PIEZO1: variants seen among roughly 807,000 people sequenced by gnomAD.
The protein encoded by PIEZO1 is piezo type mechanosensitive ion channel component 1 (Er blood group).
In PIEZO1, 296 loss-of-function variants were observed where a neutral mutation model predicts 297.2. The ratio of observed to expected loss-of-function variants is 1.00; its 90% CI spans 0.91 to 1.10. The LOEUF (loss-of-function observed/expected upper bound fraction) is 1.10. PIEZO1 is among the 50% of genes least tolerant of loss of function. The pLI is 0.00. For missense variants in PIEZO1, 5,018 were observed against 3,455.5 expected (o/e 1.45, Z -11.34); for synonymous variants, 2,427 against 1,507.5 (o/e 1.61, Z -14.13).
rs937449487 is a variant in PIEZO1 at position 88,770,349 on chromosome 16, C to A, written c.64+14552G>T. Among the ~76,000 whole-genome samples the A allele has an allele frequency of 8.1e-4, 124 of 152,326 alleles. 2 individuals carry two copies. The highest frequency in any genetic ancestry group is 2.8e-3 in the African/African-American group (118 of 41,570). On this transcript the variant is annotated intron_variant, in intron 1 of 50. Coordinates refer to ENST00000301015, the MANE Select transcript of PIEZO1 (RefSeq NM_001142864.4). ...CCCCAGCCGGGCCCCGCCTGCATCA[C>A]TTTCTGGCTATGGACTTGGGAGCTG...
At position 88,732,321 on chromosome 16, in the gene PIEZO1, T is replaced by C. The variant is rs1300330119; in HGVS notation, c.2991+14A>G. ...CAAGCCCTGCCCCAGGGGGAGGCAA[T>C]GTCCTTGCCTCACCTCCAGCCCGAA... On this transcript the variant is annotated intron_variant, in intron 21 of 50. Transcript: ENST00000301015. The C allele has an allele frequency of 1.3e-6, 2 of 1,541,442 alleles. No homozygotes were observed. Among genetic ancestry groups the C allele is most frequent in the Non-Finnish European group, 8.8e-7 (1 of 1,139,348 alleles).
chr16:88,719,972 T>C lies in PIEZO1; in HGVS notation c.6165-12A>G. The C allele has an allele frequency of 6.5e-7, 1 of 1,550,056 alleles. No homozygotes were observed. Among genetic ancestry groups the C allele is most frequent in the South Asian group, 1.2e-5 (1 of 84,062 alleles). ...TCTGGTTGAACATCCTGGGGCGGGA[T>C]GGCCAGGTCAAGGACCCCATCAGAA... On this transcript the variant is annotated splice_polypyrimidine_tract_variant and intron_variant, in intron 42 of 50. Coordinates refer to ENST00000301015, the MANE Select transcript of PIEZO1 (RefSeq NM_001142864.4).
intron 1 of PIEZO1, among the ~76,000 whole-genome samples, chr16:88,779,770 G>A (rs1030947920): frequency 3.9e-5 from 6 of 152,342 alleles, no homozygotes; most frequent in African/African-American, 9.6e-5. Context: ...GGGACCAGGC[G>A]GTGAGTGGCC....
intron 1 of PIEZO1, among the ~76,000 whole-genome samples, chr16:88,779,153 T>G (rs1398486231): frequency 6.6e-6 from 1 of 151,628 alleles, no homozygotes; most frequent in Non-Finnish European, 1.5e-5. Flanking sequence ...GCGATTCTCC[T>G]GTCTCAGCCT....
rs1183227041 is a variant in PIEZO1, at chr16:88,737,650, T to C, written c.1108-4A>G. ...CGGGTGCTGTGGGCACCACGTGCTG[T>C]GGGCAAGCAGCGCTGAGCCATGCAC... On this transcript the variant is annotated splice_polypyrimidine_tract_variant and splice_region_variant and intron_variant, in intron 9 of 50. Coordinates refer to ENST00000301015, the MANE Select transcript of PIEZO1 (RefSeq NM_001142864.4). The C allele has an allele frequency of 3.3e-6, 5 of 1,534,416 alleles. No homozygotes were observed. Among genetic ancestry groups the C allele is most frequent in the Middle Eastern group, 3.5e-4 (2 of 5,708 alleles).
Position 88,722,023 on chromosome 16 carries a change from C to G in PIEZO1, c.4999G>C (p.Glu1667Gln). The G allele has an allele frequency of 6.5e-7, 1 of 1,548,362 alleles. No individual in the cohort carries two copies. Among genetic ancestry groups the G allele is most frequent in the Non-Finnish European group, 8.7e-7 (1 of 1,146,604 alleles). ...PELEEAELFAEGQGRALRLLR... is the reference protein window; with the variant it reads ...PELEEAELFAQGQGRALRLLR... The stretch of plus-strand genomic sequence containing the variant: ...AGCCGCAGCGCCCGGCCCTGCCCCT[C>G]CGCAAACAGCTCTGCCTCCTCCAGC... The change falls in exon 37 of 51, where the codon GAG (glutamate) becomes CAG (glutamine). Residue 1667 changes from glutamate (E) to glutamine (Q), a missense_variant. Glu to Gln is a conservative substitution (Grantham distance 29). Transcript: ENST00000301015.
At chr16:88,724,035 C>A in intron 30 of PIEZO1, 64 bp from the exon 31 acceptor site, 1 of 1,014,060 alleles carries the variant, frequency 9.9e-7, no homozygotes, top group Non-Finnish European at 1.5e-6. Flanking sequence ...AGACCCCCTC[C>A]GCCTGCATGG....
chr16:88,759,566 G>C (rs755246966), intron 1 of PIEZO1, among the ~76,000 whole-genome samples: 12 of 152,328 alleles, frequency 7.9e-5, no homozygotes, highest in African/African-American at 1.9e-4. Flanking sequence ...AAGAAGAGCA[G>C]ACGTGGTACA....
rs554093832 is a variant in PIEZO1, at chr16:88,744,654, C to A, written c.161-2232G>T. ...TGCTTCCCCATTGTCTTCCTCCCTC[C>A]CCTTTCCCTGCCTCCTTCCCGGTTC... On this transcript the variant is annotated intron_variant, in intron 2 of 50. Transcript: ENST00000301015. Among the ~76,000 whole-genome samples the A allele has an allele frequency of 1.5e-4, 22 of 151,430 alleles. No individual in the cohort carries two copies. The East Asian group carries it at 4.3e-3, about 29-fold the overall frequency.
At position 88,720,600 on chromosome 16, in the gene PIEZO1, GGCC is replaced by G. The variant is rs769242557; in HGVS notation, c.5801+13_5801+15del. The stretch of plus-strand genomic sequence containing the variant: ...CCACCCCCACTCCCCAGCTGCCCCC[GGCC>G]GCCATCACTCACAGGGACAGGCAGA... On this transcript the variant is annotated intron_variant, in intron 40 of 50. Coordinates refer to ENST00000301015, the MANE Select transcript of PIEZO1 (RefSeq NM_001142864.4). 100 of 872,894 alleles carry G rather than the reference GGCC, an allele frequency of 1.1e-4. No individual in the cohort carries two copies. Among genetic ancestry groups the G allele is most frequent in the Non-Finnish European group, 1.6e-4 (96 of 618,088 alleles). The allele number at this position is 872,894 out of a possible 1,614,324, so 54.1% of individuals were successfully genotyped here.
At chr16:88,779,683 G>C (rs866020459) in intron 1 of PIEZO1, among the ~76,000 whole-genome samples, 2 of 152,338 alleles carry the variant, frequency 1.3e-5, no homozygotes, top group African/African-American at 4.8e-5. Context: ...CGCGCTGTGT[G>C]TGCAGCATGA....
intron 16 of PIEZO1, 114 bp downstream of exon 16, chr16:88,734,242 C>G (rs1188794522): frequency 8.2e-7 from 1 of 1,217,388 alleles, no homozygotes. Context: ...TGAGCAAATG[C>G]CCCTTGGGAT....
chr16:88,760,725 A>C (rs1425316078), intron 1 of PIEZO1, among the ~76,000 whole-genome samples: 1 of 152,176 alleles, frequency 6.6e-6, no homozygotes, highest in African/African-American at 2.4e-5. Flanking sequence ...AGCAGCACCC[A>C]GGGGGCCCGG....
chr16:88,726,617 C>G lies in PIEZO1; in HGVS notation c.3726G>C (p.Gln1242His), dbSNP rs567777360. 1 of 1,544,632 alleles carries G rather than the reference C, an allele frequency of 6.5e-7. No individual in the cohort carries two copies. The highest frequency in any genetic ancestry group is 1.2e-5 in the South Asian group (1 of 83,910). The change falls in exon 26 of 51, where the codon CAG becomes CAC. Residue 1242 changes from glutamine (Q) to histidine (H), a missense_variant. Transcript: ENST00000301015. ...TGACCCAGCAGAAGCCGGTCTGCAT[C>G]TGCTCCACGAAGACGCAGGCCAGGA... ...LSLLACVFVE[Q>H]MQTGFCWVIQ...
Position 88,742,791 on chromosome 16 carries a change from G to A in PIEZO1, c.161-369C>T, listed in dbSNP as rs971422675. On this transcript the variant is annotated intron_variant, in intron 2 of 50. Transcript: ENST00000301015. ...AAATAGACACAAGGAGAGGCAAGAA[G>A]CTCCACCTCACCCCAGTGGGGGCTG... The A allele has an allele frequency of 2.3e-5, 8 of 342,824 alleles. No individual in the cohort carries two copies. In the East Asian group the frequency reaches 5.5e-4, roughly 24 times the overall value. 21.2% of individuals were successfully genotyped at this position (342,824 alleles called of 1,614,324 possible).
rs1905021173 is a variant in PIEZO1 at position 88,733,647 on chromosome 16, G to A, written c.2428C>T (p.Leu810=). Residue 810 remains leucine, a synonymous_variant, in exon 18 of 51, where the codon CTG becomes TTG. Transcript: ENST00000301015. ...SRVQVFLRRL[L]ELHVFKLVAL... Reference sequence around the variant, plus strand: ...ACCAGCTTGAAAACGTGAAGCTCCAGCAGCCGCCGCAGGAACACCTGCACG... The same window carrying A: ...ACCAGCTTGAAAACGTGAAGCTCCAACAGCCGCCGCAGGAACACCTGCACG... 2.6e-6 allele frequency: 4 copies of A among 1,549,760 alleles called. No homozygotes were observed. Among genetic ancestry groups the A allele is most frequent in the East Asian group, 2.4e-5 (1 of 40,918 alleles).
At chr16:88,737,676 G>A (rs780429650) in intron 9 of PIEZO1, 30 bp from the exon 10 acceptor site, 171 of 1,532,546 alleles carry the variant, frequency 1.1e-4, no homozygotes, top group East Asian at 2.0e-4. Context: ...AGCCATGCAC[G>A]GGCTGGCCGG....
chr16:88,726,825 G>T lies in PIEZO1; in HGVS notation c.3589C>A (p.Leu1197Met). 6.5e-7 allele frequency: 1 copy of T among 1,550,354 alleles called. No individual in the cohort carries two copies. ...LGYLLACFYL[L>M]LFGTALLQRD... Reference sequence around the variant, plus strand: ...TGCAGCAGGGCCGTGCCGAAGAGCAGCAGGTAGAAGCAGGCCAGCAGGTAG... The same window carrying T: ...TGCAGCAGGGCCGTGCCGAAGAGCATCAGGTAGAAGCAGGCCAGCAGGTAG... Residue 1197 changes from leucine (L) to methionine (M), a missense_variant, in exon 25 of 51, where the codon CTG becomes ATG. Transcript: ENST00000301015.
At chr16:88,779,052 T>C (rs1344417911) in intron 1 of PIEZO1, among the ~76,000 whole-genome samples, 1 of 151,128 alleles carries the variant, frequency 6.6e-6, no homozygotes, top group African/African-American at 2.4e-5. Flanking sequence ...TTTTTTTTTT[T>C]TGAGAGGGAG....
Sources: allele counts gnomAD v4.1 joint callset (sites outside exome capture counted in the v4.1 genomes callset), GRCh38; gene constraint gnomAD v4.1.1; transcripts MANE v1.5; gene names NCBI Gene and HGNC (gene_info 2026-07-23, HGNC 2026-07-21).